ETV1: variants seen among roughly 807,000 people sequenced by gnomAD.
ETV1 encodes ETS translocation variant 1.
ETV1 carries 27 observed loss-of-function variants against 62.3 expected under a neutral mutation model. The observed-to-expected ratio is 0.43, with a 90% CI of 0.32 to 0.60. The LOEUF (loss-of-function observed/expected upper bound fraction) is 0.60. ETV1 is among the 20% of genes least tolerant of loss of function. ETV1 has a pLI of 0.06. For missense variants in ETV1, 605 were observed against 605.8 expected, an observed-to-expected ratio of 1.00 and a Z score of 0.01; for synonymous variants, 222 against 199.6, an observed-to-expected ratio of 1.11 and a Z score of -0.94.
At chr7:13,991,220 ACTAT>A (rs1169972032), upstream of ETV1, 1 of 152,292 alleles carries the variant, frequency 6.6e-6, no homozygotes, top group Non-Finnish European at 1.5e-5. Flanking sequence ...GCTCATGGGT[ACTAT>A]CTGAGGGTGC....
At chr7:13,976,354 A>C (rs191962760) in intron 6 of ETV1, among the ~76,000 whole-genome samples, 17 of 152,340 alleles carry the variant, frequency 1.1e-4, no homozygotes, top group African/African-American at 4.1e-4. Flanking sequence ...AAAATAGTTG[A>C]AATGGTAAAT....
intron 6 of ETV1, among the ~76,000 whole-genome samples, chr7:13,956,019 G>C (rs944936648): frequency 6.6e-6 from 1 of 152,034 alleles, no homozygotes; most frequent in Non-Finnish European, 1.5e-5. Context: ...TATGCAGCTT[G>C]TTAAATCTGA....
chr7:13,954,554 T>C (rs1789194881), intron 6 of ETV1, among the ~76,000 whole-genome samples: 1 of 152,228 alleles, frequency 6.6e-6, no homozygotes, highest in African/African-American at 2.4e-5. Context: ...AGTTTGGTGA[T>C]CCTATATTGT....
At position 13,896,107 on chromosome 7, in the gene ETV1, G is replaced by C. The variant is rs1562576428; in HGVS notation, c.1213-20C>G. 13 of 1,596,300 alleles carry C rather than the reference G, an allele frequency of 8.1e-6. No individual in the cohort carries two copies. The highest frequency in any genetic ancestry group is 1.0e-5 in the Non-Finnish European group (12 of 1,167,054). On this transcript the variant is annotated intron_variant, in intron 13 of 13. Coordinates refer to ENST00000430479, the MANE Select transcript of ETV1 (RefSeq NM_004956.5). ...AGCCACCTGATGATAACATGGAAGAGAAAAACCCATCCTCACCATCGCCAG... is the reference window on the plus strand; with the variant it reads ...AGCCACCTGATGATAACATGGAAGACAAAAACCCATCCTCACCATCGCCAG...
chr7:13,931,678 G>C lies in ETV1; in HGVS notation c.626C>G (p.Pro209Arg). The change falls in exon 9 of 14, where the codon CCT (proline) becomes CGT (arginine). Residue 209 changes from proline to arginine, a missense_variant. By Grantham distance (103) the Pro-to-Arg change is moderately radical. This residue lies in a region of ETV1 where 426 missense variants were observed against 377.8 expected (regional missense o/e 1.13). Transcript: ENST00000430479. ...CTCAGACATCTGGCGTTGGTACATA[G>C]GACGTCCTTCCCTTGGCATCGTCGG... ...PLPTMPREGR[P>R]MYQRQMSEPN... 6.2e-7 allele frequency: 1 copy of C among 1,613,980 alleles called. No homozygotes were observed. Among genetic ancestry groups the C allele is most frequent in the Non-Finnish European group, 8.5e-7 (1 of 1,179,884 alleles).
rs930034088 is a variant in ETV1, at chr7:13,896,996, G to A, written c.1213-909C>T. ...AATGAGAAAAAGAAATGTGACAACTGCCTGGAATAAAGAAGTAGCATAATT... is the reference window on the plus strand; with the variant it reads ...AATGAGAAAAAGAAATGTGACAACTACCTGGAATAAAGAAGTAGCATAATT... On this transcript the variant is annotated intron_variant, in intron 13 of 13. Coordinates refer to ENST00000430479, the MANE Select transcript of ETV1 (RefSeq NM_004956.5). 5.3e-5 allele frequency among the ~76,000 whole-genome samples: 8 copies of A among 152,134 alleles called. No homozygotes were observed. The South Asian group carries it at 6.2e-4, about 12-fold the overall frequency.
At chr7:13,947,775 C>G (rs961056925) in intron 6 of ETV1, among the ~76,000 whole-genome samples, 3 of 152,182 alleles carry the variant, frequency 2.0e-5, no homozygotes. Flanking sequence ...GTTAATTCAT[C>G]TACCATGCCC....
At chr7:13,896,743 G>GAAAGGAAAGAAAGAAAGAAA (rs144984792) in intron 13 of ETV1, among the ~76,000 whole-genome samples, 1 of 115,302 alleles carries the variant, frequency 8.7e-6, no homozygotes, top group Non-Finnish European at 1.7e-5. Flanking sequence ...AAGAAAGAAA[G>GAAAGGAAAGAAAGAAAGAAA]GAAAGAAAGA....
At chr7:13,905,252 AGAT>A (rs1407433722) in intron 12 of ETV1, among the ~76,000 whole-genome samples, 2 of 152,132 alleles carry the variant, frequency 1.3e-5, no homozygotes, top group East Asian at 3.9e-4. Context: ...AGAAAATTCA[AGAT>A]GATGGACCCA....
chr7:13,899,996 GT>G (rs1219480413), intron 13 of ETV1, among the ~76,000 whole-genome samples: 5 of 152,170 alleles, frequency 3.3e-5, no homozygotes, highest in Admixed American at 6.5e-5. Context: ...GGGTGTGGTG[GT>G]GCGCACCTGT....
intron 5 of ETV1, among the ~76,000 whole-genome samples, chr7:13,985,846 T>C (rs1782499980): frequency 6.6e-6 from 1 of 152,182 alleles, no homozygotes; most frequent in Non-Finnish European, 1.5e-5. Context: ...TAAAGCTTTA[T>C]GAAGCAATCT....
chr7:13,930,251 C>G (rs1450571353), intron 9 of ETV1, among the ~76,000 whole-genome samples: 1 of 152,172 alleles, frequency 6.6e-6, no homozygotes, highest in Non-Finnish European at 1.5e-5. Flanking sequence ...GAAGGAAAAA[C>G]TCAGCAGGGT....
chr7:13,924,571 A>G (rs955335016), intron 9 of ETV1, among the ~76,000 whole-genome samples: 3 of 152,180 alleles, frequency 2.0e-5, no homozygotes, highest in Non-Finnish European at 2.9e-5. Flanking sequence ...TAGTGAAAGC[A>G]CACCTCGTAT....
rs560008147 is a variant in ETV1, at chr7:13,956,436, A to G, written c.236-17190T>C. On this transcript the variant is annotated intron_variant, in intron 6 of 13. Coordinates refer to ENST00000430479, the MANE Select transcript of ETV1 (RefSeq NM_004956.5). ...ATAAGATCATTTCCATCCTTCAGGA[A>G]CCAAGCCTTGTCTGATGGGAACCAA... Among the ~76,000 whole-genome samples the G allele has an allele frequency of 5.3e-5, 8 of 152,310 alleles. No homozygotes were observed. The South Asian group carries it at 1.7e-3, about 32-fold the overall frequency.
chr7:13,935,732 T>A lies in ETV1; in HGVS notation c.530A>T (p.Asp177Val), dbSNP rs1311705778. 6.2e-7 allele frequency: 1 copy of A among 1,613,778 alleles called. No homozygotes were observed. The highest frequency in any genetic ancestry group is 8.5e-7 in the Non-Finnish European group (1 of 1,179,872). Reference protein sequence around the residue: ...AHLPPSQSIPDSSYPMDHRFR... With the variant: ...AHLPPSQSIPVSSYPMDHRFR... ...CCTGTGGTCCATGGGGTAGCTGCTA[T>A]CTGGTATGGACTGCGATGGAGGGAG... The change falls in exon 8 of 14, where the codon GAT (aspartate) becomes GTT (valine). Residue 177 changes from aspartate (D) to valine (V), a missense_variant. This residue lies in a region of ETV1 where 426 missense variants were observed against 377.8 expected (regional missense o/e 1.13). Coordinates refer to ENST00000430479, the MANE Select transcript of ETV1 (RefSeq NM_004956.5).
At chr7:13,929,428 T>C (rs1332886498) in intron 9 of ETV1, among the ~76,000 whole-genome samples, 1 of 152,214 alleles carries the variant, frequency 6.6e-6, no homozygotes, top group Non-Finnish European at 1.5e-5. Flanking sequence ...CTCTCAGCCA[T>C]GTCAAGTTTA....
At chr7:13,960,754 T>C (rs1012384113) in intron 6 of ETV1, among the ~76,000 whole-genome samples, 1 of 152,206 alleles carries the variant, frequency 6.6e-6, no homozygotes, top group Admixed American at 6.5e-5. Flanking sequence ...AACTAGAACC[T>C]ATTTTTCTTA....
In ETV1 at chr7:13,934,751, T is replaced by A. The variant is rs553723584; in HGVS notation, c.554+957A>T. Among the ~76,000 whole-genome samples, 4 of 152,324 alleles carry A rather than the reference T, an allele frequency of 2.6e-5. No homozygotes were observed. The East Asian group carries it at 7.7e-4, about 29-fold the overall frequency. On this transcript the variant is annotated intron_variant, in intron 8 of 13. Coordinates refer to ENST00000430479, the MANE Select transcript of ETV1 (RefSeq NM_004956.5). ...GTATCCGTATGCTAGAAATACTACA[T>A]TACGCTGTGCTATTGCATCTTTGCA...
chr7:13,961,966 T>A (rs1790217039), intron 6 of ETV1, among the ~76,000 whole-genome samples: 1 of 151,746 alleles, frequency 6.6e-6, no homozygotes, highest in African/African-American at 2.4e-5. Context: ...GCCCACATGT[T>A]GGTAGGTGTA....
Sources: allele counts gnomAD v4.1 joint callset (sites outside exome capture counted in the v4.1 genomes callset), GRCh38; gene constraint gnomAD v4.1.1; regional missense constraint gnomAD v4.1.1; transcripts MANE v1.5; gene names NCBI Gene and HGNC (gene_info 2026-07-23, HGNC 2026-07-21).